RNF139: variants seen among roughly 807,000 people sequenced by gnomAD.
RNF139 encodes the protein ring finger protein 139.
In RNF139, 15 loss-of-function variants were observed where a neutral mutation model predicts 49.5. The observed-to-expected ratio is 0.30, with a 90% CI of 0.20 to 0.47. RNF139 has a LOEUF of 0.47. Among genes scored for constraint, RNF139 ranks in the 20% least tolerant of loss-of-function variants. The pLI is 1.00. For synonymous variants in RNF139, 325 were observed against 300.9 expected, an observed-to-expected ratio of 1.08 and a Z score of -0.83; for missense variants, 619 against 806.3, an observed-to-expected ratio of 0.77 and a Z score of 2.81.
rs1033751957 is a variant in RNF139 at position 124,474,949 on chromosome 8, G to A, written c.-161G>A. 31 of 403,552 alleles carry A rather than the reference G, an allele frequency of 7.7e-5. No homozygotes were observed. Among genetic ancestry groups the A allele is most frequent in the Non-Finnish European group, 1.1e-4 (28 of 247,800 alleles). The allele number at this position is 403,552 out of a possible 1,614,324, so 25.0% of individuals were successfully genotyped here. A position where few individuals can be genotyped will look rare whatever the true frequency, so the allele number is the denominator to read the frequency against. ...CTGCCTCCGCCGCCTGCTCCACCTC[G>A]AGGGACGCGAGCGGGCGGCGGGGCT... On this transcript the variant is annotated 5_prime_UTR_variant, in exon 1 of 2. Transcript: ENST00000303545. The surrounding 1 kb of genome is among the most constrained non-coding windows in gnomAD (Gnocchi z 4.6).
chr8:124,478,792 T>C (rs530722613), intron 1 of RNF139, among the ~76,000 whole-genome samples: 1 of 149,492 alleles, frequency 6.7e-6, no homozygotes, highest in Non-Finnish European at 1.5e-5. Flanking sequence ...TGATCTCGGC[T>C]CACCACAACT....
At chr8:124,485,807 T>A in intron 1 of RNF139, 24 bp from the exon 2 acceptor site, 1 of 1,539,910 alleles carries the variant, frequency 6.5e-7, no homozygotes, top group Non-Finnish European at 8.8e-7. Flanking sequence ...TTCATTCAAA[T>A]GACTTTTTCT....
At chr8:124,482,823 G>A (rs979964594) in intron 1 of RNF139, among the ~76,000 whole-genome samples, 1 of 148,826 alleles carries the variant, frequency 6.7e-6, no homozygotes, top group Non-Finnish European at 1.5e-5. Flanking sequence ...CTTCTTGGGA[G>A]GCTGAAGCAG....
chr8:124,487,726 T>C lies in RNF139; in HGVS notation c.*82T>C, dbSNP rs1057341955. 26 of 1,366,558 alleles carry C rather than the reference T, an allele frequency of 1.9e-5. No homozygotes were observed. In the African/African-American group the frequency reaches 3.6e-4, roughly 19 times the overall value. 84.7% of individuals were successfully genotyped at this position (1,366,558 alleles called of 1,614,324 possible). On this transcript the variant is annotated 3_prime_UTR_variant, in exon 2 of 2. Coordinates refer to ENST00000303545, the MANE Select transcript of RNF139 (RefSeq NM_007218.4). ...ATGGAGTAATATCCTTCACCTTCAG[T>C]GTGTAACCAAGCACAAAAACAGTAT...
intron 1 of RNF139, among the ~76,000 whole-genome samples, chr8:124,482,959 A>AAAGAGCCTGTTCTGAGCTCACAAC (rs1816447177): frequency 1.4e-5 from 1 of 69,010 alleles, no homozygotes; most frequent in Non-Finnish European, 3.2e-5. Flanking sequence ...TATATATATA[A>AAAGAGCCTGTTCTGAGCTCACAAC]TATATATATA....
intron 1 of RNF139, among the ~76,000 whole-genome samples, chr8:124,484,902 C>G (rs1471691398): frequency 6.6e-6 from 1 of 151,898 alleles, no homozygotes; most frequent in Non-Finnish European, 1.5e-5. Context: ...GTTTCTAAGT[C>G]CGAAGGAAAC....
At chr8:124,484,724 T>C (rs536490144) in intron 1 of RNF139, among the ~76,000 whole-genome samples, 78 of 152,242 alleles carry the variant, frequency 5.1e-4, no homozygotes, top group South Asian at 1.7e-3. Flanking sequence ...TCTGTCAGAG[T>C]ACAAAGAAAG....
chr8:124,488,539 G>C lies in RNF139; in HGVS notation c.*895G>C, dbSNP rs1586530017. ...ATAATTTCTTTATTGAAACTATCAGGAAGTTTTACTATGAAATTTTACATA... is the reference window on the plus strand; with the variant it reads ...ATAATTTCTTTATTGAAACTATCAGCAAGTTTTACTATGAAATTTTACATA... On this transcript the variant is annotated 3_prime_UTR_variant, in exon 2 of 2. Transcript: ENST00000303545. 6 of 898,424 alleles carry C rather than the reference G, an allele frequency of 6.7e-6. No individual in the cohort carries two copies. The East Asian group carries it at 1.5e-4, about 22-fold the overall frequency. The allele number at this position is 898,424 out of a possible 1,614,324, so 55.7% of individuals were successfully genotyped here.
At chr8:124,482,992 A>T (rs528023124) in intron 1 of RNF139, among the ~76,000 whole-genome samples, 74 of 99,148 alleles carry the variant, frequency 7.5e-4, no homozygotes, top group African/African-American at 3.1e-3. Flanking sequence ...ATATATATTT[A>T]AAAATATATA....
intron 1 of RNF139, among the ~76,000 whole-genome samples, chr8:124,480,553 G>A (rs1816391304): frequency 6.6e-6 from 1 of 152,118 alleles, no homozygotes; most frequent in African/African-American, 2.4e-5. Context: ...GACAAAGAAG[G>A]AGAGAAGAGG....
chr8:124,485,506 A>T (rs1366369659), intron 1 of RNF139, among the ~76,000 whole-genome samples: 2 of 152,262 alleles, frequency 1.3e-5, no homozygotes, highest in Non-Finnish European at 2.9e-5. Context: ...AAAACTTGTT[A>T]AAATGTATGT....
At chr8:124,484,927 A>T (rs955996879) in intron 1 of RNF139, among the ~76,000 whole-genome samples, 15 of 152,190 alleles carry the variant, frequency 9.9e-5, no homozygotes, top group African/African-American at 3.6e-4. Context: ...AGGAAAAAAA[A>T]TGGAATTTTG....
intron 1 of RNF139, among the ~76,000 whole-genome samples, chr8:124,476,026 ACAT>A (rs544067120): frequency 8.5e-4 from 130 of 152,356 alleles, no homozygotes; most frequent in African/African-American, 3.1e-3. Flanking sequence ...ATCTTCACTT[ACAT>A]CATCAGAGGG....
At chr8:124,480,807 G>A (rs1185394803) in intron 1 of RNF139, among the ~76,000 whole-genome samples, 2 of 152,040 alleles carry the variant, frequency 1.3e-5, no homozygotes, top group African/African-American at 4.8e-5. Flanking sequence ...AGCTATCTAG[G>A]GGCCCCCAGG....
intron 1 of RNF139, among the ~76,000 whole-genome samples, chr8:124,478,605 CAA>C (rs372190245): frequency 2.5e-4 from 24 of 95,984 alleles, no homozygotes; most frequent in African/African-American, 5.2e-4. Flanking sequence ...GAGACTGTCT[CAA>C]AAAAAAAAAA....
intron 1 of RNF139, among the ~76,000 whole-genome samples, chr8:124,476,127 T>C (rs1345159364): frequency 2.0e-5 from 3 of 152,234 alleles, no homozygotes; most frequent in African/African-American, 7.2e-5. Flanking sequence ...CGGTCTTAAG[T>C]AGGCTAGTGC....
intron 1 of RNF139, among the ~76,000 whole-genome samples, chr8:124,484,307 T>C (rs1816495495): frequency 6.6e-6 from 1 of 152,156 alleles, no homozygotes; most frequent in South Asian, 2.1e-4. Flanking sequence ...TTTTAGTTGA[T>C]AGTAATTTCA....
intron 1 of RNF139, among the ~76,000 whole-genome samples, chr8:124,483,191 C>G (rs1430987703): frequency 5.3e-5 from 5 of 93,582 alleles, no homozygotes; most frequent in Non-Finnish European, 1.2e-4. Context: ...CTTGGGGAAT[C>G]AGGTGGTTTG....
chr8:124,484,073 T>A (rs1816492749), intron 1 of RNF139, among the ~76,000 whole-genome samples: 1 of 152,220 alleles, frequency 6.6e-6, no homozygotes, highest in East Asian at 1.9e-4. Context: ...GAACAGTTTC[T>A]ATCAAAGAAA....
Sources: gnomAD v4.1 joint callset for allele counts (sites outside exome capture counted in the v4.1 genomes callset) on GRCh38, gnomAD v4.1.1 for gene constraint, Gnocchi (gnomAD v3.1) non-coding constraint, MANE v1.5 for transcripts, NCBI Gene and HGNC (gene_info 2026-07-23, HGNC 2026-07-21) for gene names.